Variants in TMEM131 observed in about 807,000 individuals in gnomAD.
The protein encoded by TMEM131 is transmembrane protein 131.
In TMEM131, 66 loss-of-function variants were observed where a neutral mutation model predicts 211.6. The ratio of observed to expected loss-of-function variants is 0.31; its 90% CI spans 0.26 to 0.38. The LOEUF is 0.38. Among genes scored for constraint, TMEM131 ranks in the 10% least tolerant of loss-of-function variants. The pLI, the probability that TMEM131 is intolerant of heterozygous loss-of-function variation, is 1.00. For missense variants in TMEM131, 2,036 were observed against 2,299.3 expected, an observed-to-expected ratio of 0.89 and a Z score of 2.34; for synonymous variants, 844 against 841.3, an observed-to-expected ratio of 1.00 and a Z score of -0.06.
chr2:97,861,957 G>A (rs1294678877), intron 4 of TMEM131, among the ~76,000 whole-genome samples: 2 of 152,186 alleles, frequency 1.3e-5, no homozygotes, highest in Admixed American at 1.3e-4. Flanking sequence ...GTCTGACCCA[G>A]TGCAGTTCCA....
At chr2:97,943,698 G>GA (rs1677905239) in intron 1 of TMEM131, among the ~76,000 whole-genome samples, 1 of 152,258 alleles carries the variant, frequency 6.6e-6, no homozygotes, top group East Asian at 1.9e-4. Flanking sequence ...TTTTGAAAAA[G>GA]AAAGACACAA....
At chr2:97,975,916 C>T (rs1679512541) in intron 1 of TMEM131, among the ~76,000 whole-genome samples, 1 of 151,534 alleles carries the variant, frequency 6.6e-6, no homozygotes, top group Non-Finnish European at 1.5e-5. Flanking sequence ...TTGCATAATA[C>T]CTATCATGAC....
intron 1 of TMEM131, among the ~76,000 whole-genome samples, chr2:97,932,084 G>A (rs1677245623): frequency 6.6e-6 from 1 of 151,084 alleles, no homozygotes; most frequent in Admixed American, 6.6e-5. Flanking sequence ...AGAGGTTGCA[G>A]TGGGCTGAGA....
intron 2 of TMEM131, among the ~76,000 whole-genome samples, chr2:97,914,297 C>T (rs986380061): frequency 3.9e-5 from 6 of 152,208 alleles, no homozygotes; most frequent in Non-Finnish European, 8.8e-5. Context: ...AGTTTCCCCA[C>T]TGTATCATTC....
chr2:97,958,942 A>T (rs1161940309), intron 1 of TMEM131, among the ~76,000 whole-genome samples: 1 of 152,250 alleles, frequency 6.6e-6, no homozygotes, highest in Non-Finnish European at 1.5e-5. Context: ...TATGAGCAAG[A>T]GGAACAGAAG....
chr2:97,974,566 A>C (rs1679447275), intron 1 of TMEM131, among the ~76,000 whole-genome samples: 1 of 152,156 alleles, frequency 6.6e-6, no homozygotes, highest in Non-Finnish European at 1.5e-5. Flanking sequence ...ATTATTTCAA[A>C]CCAGATTTAC....
chr2:97,884,475 T>C (rs1416993504), intron 4 of TMEM131, among the ~76,000 whole-genome samples: 2 of 152,222 alleles, frequency 1.3e-5, no homozygotes, highest in African/African-American at 4.8e-5. Context: ...TGCTTCTTTG[T>C]TGATTTTCTG....
intron 1 of TMEM131, among the ~76,000 whole-genome samples, chr2:97,972,011 C>A (rs1287084758): frequency 1.3e-5 from 2 of 152,088 alleles, no homozygotes; most frequent in Non-Finnish European, 2.9e-5. Flanking sequence ...AGTTTGAGAC[C>A]AGCATGGCCA....
At chr2:97,871,413 T>G (rs1237792820) in intron 4 of TMEM131, among the ~76,000 whole-genome samples, 1 of 152,184 alleles carries the variant, frequency 6.6e-6, no homozygotes, top group Non-Finnish European at 1.5e-5. Flanking sequence ...TGAAAACTAA[T>G]GAAAAGCCAT....
At chr2:97,897,798 T>C (rs962958693) in intron 3 of TMEM131, among the ~76,000 whole-genome samples, 2 of 152,178 alleles carry the variant, frequency 1.3e-5, no homozygotes, top group African/African-American at 4.8e-5. Context: ...TAGTAATTTT[T>C]CACTAGGTGT....
intron 19 of TMEM131, among the ~76,000 whole-genome samples, chr2:97,806,745 C>CCA (rs1252638245): frequency 1.3e-5 from 2 of 152,268 alleles, no homozygotes; most frequent in East Asian, 3.9e-4. Flanking sequence ...GATTCCTACT[C>CCA]ATTTGAAGAG....
rs1288506036 is a variant in TMEM131, at chr2:97,813,989, T to C, written c.1599A>G (p.Val533=). Residue 533 remains valine, a synonymous_variant, in exon 15 of 41, where the codon GTA becomes GTG. Transcript: ENST00000186436. ...TACTTACATCTAAAAAGCCTGTGTATACCCGCACGGGTAAATGAAATTTAG... is the reference window on the plus strand; with the variant it reads ...TACTTACATCTAAAAAGCCTGTGTACACCCGCACGGGTAAATGAAATTTAG... ...NASKFHLPVR[V]YTGFLDYFVL... 1.3e-6 allele frequency: 2 copies of C among 1,595,882 alleles called. No individual in the cohort carries two copies. Among genetic ancestry groups the C allele is most frequent in the Admixed American group, 3.5e-5 (2 of 57,486 alleles).
chr2:97,839,316 CA>C (rs1683083911), intron 7 of TMEM131, among the ~76,000 whole-genome samples: 1 of 11,588 alleles, frequency 8.6e-5, no homozygotes, highest in African/African-American at 1.7e-3. Context: ...TCTGGAAAAC[CA>C]ACCAACCAAC....
At chr2:97,894,040 T>G (rs778373565) in intron 3 of TMEM131, among the ~76,000 whole-genome samples, 2 of 152,216 alleles carry the variant, frequency 1.3e-5, no homozygotes, top group Non-Finnish European at 2.9e-5. Context: ...TAATCCATCT[T>G]GAGATAATTT....
chr2:97,901,115 A>G (rs966927123), intron 3 of TMEM131, among the ~76,000 whole-genome samples: 1 of 152,220 alleles, frequency 6.6e-6, no homozygotes, highest in Non-Finnish European at 1.5e-5. Context: ...ATGAAAATAC[A>G]TACACAAGAG....
At chr2:97,891,174 T>G (rs1191353287) in intron 3 of TMEM131, among the ~76,000 whole-genome samples, 1 of 152,216 alleles carries the variant, frequency 6.6e-6, no homozygotes, top group Non-Finnish European at 1.5e-5. Context: ...AAATATGTAA[T>G]ATTGAAAAAC....
chr2:97,821,418 C>T (rs72946453), intron 11 of TMEM131, among the ~76,000 whole-genome samples: 3,756 of 152,258 alleles, frequency 0.025, 164 homozygotes, highest in African/African-American at 0.087. Context: ...GCTGGCCACC[C>T]GAGCCAGTAG....
chr2:97,819,692 G>T lies in TMEM131; in HGVS notation c.1075-971C>A, dbSNP rs532780995. On this transcript the variant is annotated intron_variant, in intron 11 of 40. Coordinates refer to ENST00000186436, the MANE Select transcript of TMEM131 (RefSeq NM_015348.2). ...ACCTTGGTCTGAACCCTCGTGGGTT[G>T]TATTTGTTGAATTATGAAGGGCTTT... Among the ~76,000 whole-genome samples the T allele has an allele frequency of 5.3e-5, 8 of 152,314 alleles. No homozygotes were observed. In the South Asian group the frequency reaches 1.5e-3, roughly 28 times the overall value.
At chr2:97,757,487 T>G (rs531666007) in intron 40 of TMEM131, 104 bp from the exon 41 acceptor site, 1 of 1,294,458 alleles carries the variant, frequency 7.7e-7, no homozygotes, top group Non-Finnish European at 1.1e-6. Flanking sequence ...CACGCATTCC[T>G]CTTACTTTGT....
Sources: gnomAD v4.1 joint callset for allele counts (sites outside exome capture counted in the v4.1 genomes callset) on GRCh38, gnomAD v4.1.1 for gene constraint, MANE v1.5 for transcripts, NCBI Gene and HGNC (gene_info 2026-07-23, HGNC 2026-07-21) for gene names.